The following MVB12B variants were observed in gnomAD, a reference collection of about 807,000 sequenced individuals.
The protein encoded by MVB12B is ESCRT-I complex subunit MVB12B.
MVB12B carries 16 observed loss-of-function variants against 41.6 expected under a neutral mutation model. That is an observed-to-expected ratio of 0.38 (90% CI 0.26 to 0.58). The LOEUF (loss-of-function observed/expected upper bound fraction) is 0.58, where lower values mean the gene tolerates loss of function less well. Among genes scored for constraint, MVB12B ranks in the 20% least tolerant of loss-of-function variants. The probability of loss-of-function intolerance (pLI) is 0.62; values close to 1 mark genes in which losing one functional copy is unlikely to be tolerated. For synonymous variants in MVB12B, 133 were observed against 139.7 expected, an observed-to-expected ratio of 0.95 and a Z score of 0.34; for missense variants, 274 against 380.2, an observed-to-expected ratio of 0.72 and a Z score of 2.32.
At chr9:126,435,597 T>C (rs551004038) in intron 7 of MVB12B, among the ~76,000 whole-genome samples, 1 of 151,534 alleles carries the variant, frequency 6.6e-6, no homozygotes, top group East Asian at 1.9e-4. Flanking sequence ...TCTTTTTCTT[T>C]CTCTTTGGCC....
At chr9:126,461,159 C>T (rs572655121) in intron 7 of MVB12B, among the ~76,000 whole-genome samples, 1 of 152,280 alleles carries the variant, frequency 6.6e-6, no homozygotes, top group South Asian at 2.1e-4. Flanking sequence ...CTTCATTTTC[C>T]GTGGAGGCCA....
At position 126,486,421 on chromosome 9, in the gene MVB12B, A is replaced by G. The variant is rs1588207459; in HGVS notation, c.873+2389A>G. On this transcript the variant is annotated intron_variant, in intron 9 of 9. Transcript: ENST00000361171. This position sits in a 1 kb window ranked among gnomAD's most constrained non-coding sequence, Gnocchi z 4.7. Reference sequence around the variant, plus strand: ...AGGTGGTCACCAGGGCAGAGGTTACACTGACATACCTCCAGACCAGCCCGC... The same window carrying G: ...AGGTGGTCACCAGGGCAGAGGTTACGCTGACATACCTCCAGACCAGCCCGC... Among the ~76,000 whole-genome samples the G allele has an allele frequency of 6.6e-6, 1 of 152,284 alleles. No homozygotes were observed. Among genetic ancestry groups the G allele is most frequent in the Admixed American group, 6.5e-5 (1 of 15,310 alleles).
Position 126,497,385 on chromosome 9 carries a change from C to T in MVB12B, c.874-5792C>T, listed in dbSNP as rs146720978. On this transcript the variant is annotated intron_variant, in intron 9 of 9. Coordinates refer to ENST00000361171, the MANE Select transcript of MVB12B (RefSeq NM_033446.3). ...AGGGTCTGCGGGAGCCCTCACCCAC[C>T]CCTCTGCCCACGCCCCGCAGTGTGG... Among the ~76,000 whole-genome samples, 113 of 152,274 alleles carry T rather than the reference C, an allele frequency of 7.4e-4. No homozygotes were observed. In the East Asian group the frequency reaches 0.021, roughly 28 times the overall value.
chr9:126,454,330 C>T (rs1832937990), intron 7 of MVB12B, among the ~76,000 whole-genome samples: 2 of 152,218 alleles, frequency 1.3e-5, no homozygotes, highest in African/African-American at 4.8e-5. Flanking sequence ...TCACAACCAC[C>T]AATAGTGTGT....
Position 126,503,572 on chromosome 9 carries a change from C to A in MVB12B, c.*309C>A. The A allele has an allele frequency of 2.4e-6, 1 of 418,338 alleles. No homozygotes were observed. Among genetic ancestry groups the A allele is most frequent in the East Asian group, 4.5e-5 (1 of 22,088 alleles). The allele number at this position is 418,338 out of a possible 1,614,324, so 25.9% of individuals were successfully genotyped here. On this transcript the variant is annotated 3_prime_UTR_variant, in exon 10 of 10. Transcript: ENST00000361171. ...AAAACCTCACTCACCACGGAGTCAC[C>A]CTGAGGGCCCCGGGCAGTTGCCCTG...
chr9:126,359,379 A>G lies in MVB12B; in HGVS notation c.204+18749A>G, dbSNP rs530839091. ...TGGATTGGTCTGTGGTTTTCTTATA[A>G]TATCTGGTTTTAGTATTAGGGTAAT... On this transcript the variant is annotated intron_variant, in intron 2 of 9. Transcript: ENST00000361171. 2.7e-3 allele frequency among the ~76,000 whole-genome samples: 404 copies of G among 152,272 alleles called. 1 individual carries two copies. The highest frequency in any genetic ancestry group is 4.9e-3 in the Non-Finnish European group (333 of 68,022).
intron 2 of MVB12B, among the ~76,000 whole-genome samples, chr9:126,343,732 A>G (rs1417503494): frequency 1.3e-5 from 2 of 152,210 alleles, no homozygotes; most frequent in Non-Finnish European, 2.9e-5. Context: ...CCTGGCCAAC[A>G]TGGTGAAACC....
chr9:126,381,586 G>A (rs937695069), intron 3 of MVB12B, among the ~76,000 whole-genome samples: 2 of 151,888 alleles, frequency 1.3e-5, no homozygotes, highest in African/African-American at 2.4e-5. Flanking sequence ...CCACAGTGAC[G>A]TTTCCTCGCT....
chr9:126,386,522 T>A lies in MVB12B; in HGVS notation c.313-40T>A, dbSNP rs752303186. 6 of 1,517,652 alleles carry A rather than the reference T, an allele frequency of 4.0e-6. No individual in the cohort carries two copies. Among genetic ancestry groups the A allele is most frequent in the East Asian group, 4.5e-5 (2 of 44,330 alleles). The allele number at this position is 1,517,652 out of a possible 1,614,324, so 94.0% of individuals were successfully genotyped here. On this transcript the variant is annotated intron_variant, in intron 3 of 9. Transcript: ENST00000361171. The surrounding 1 kb of genome is among the most constrained non-coding windows in gnomAD (Gnocchi z 4.3). ...AAATGGCAAACCCACCACATGCATGTTCAGATTAATAGTCTGTATCTCTTT... is the reference window on the plus strand; with the variant it reads ...AAATGGCAAACCCACCACATGCATGATCAGATTAATAGTCTGTATCTCTTT...
intron 7 of MVB12B, among the ~76,000 whole-genome samples, chr9:126,439,134 A>G (rs1194158075): frequency 1.3e-5 from 2 of 151,890 alleles, no homozygotes; most frequent in South Asian, 2.1e-4. Context: ...ATTGCTCTTC[A>G]TACAGGGGGC....
intron 6 of MVB12B, among the ~76,000 whole-genome samples, chr9:126,420,673 TCC>T (rs2119087451): frequency 7.0e-6 from 1 of 142,220 alleles, no homozygotes; most frequent in South Asian, 2.3e-4. Flanking sequence ...AACCTCCGCC[TCC>T]CAGGTTCAAG....
chr9:126,440,520 A>G (rs1832605202), intron 7 of MVB12B, among the ~76,000 whole-genome samples: 1 of 152,156 alleles, frequency 6.6e-6, no homozygotes, highest in South Asian at 2.1e-4. Context: ...AAATACATGT[A>G]ATAAAGTAGT....
At chr9:126,408,832 G>T (rs184380064) in intron 6 of MVB12B, among the ~76,000 whole-genome samples, 5 of 152,244 alleles carry the variant, frequency 3.3e-5, no homozygotes, top group Admixed American at 2.6e-4. Context: ...ATTAAGGAAC[G>T]TAATCACCAA....
chr9:126,480,158 T>C lies in MVB12B; in HGVS notation c.758-1211T>C, dbSNP rs749969409. Reference sequence around the variant, plus strand: ...ACTCCGTTTCTCCCTGAAACCACAATTTACTGCATAGCCACCACCTCAGGG... The same window carrying C: ...ACTCCGTTTCTCCCTGAAACCACAACTTACTGCATAGCCACCACCTCAGGG... On this transcript the variant is annotated intron_variant, in intron 7 of 9. Transcript: ENST00000361171. The surrounding 1 kb of genome is among the most constrained non-coding windows in gnomAD (Gnocchi z 4.9). Among the ~76,000 whole-genome samples, 4 of 152,168 alleles carry C rather than the reference T, an allele frequency of 2.6e-5. No homozygotes were observed. Among genetic ancestry groups the C allele is most frequent in the Non-Finnish European group, 5.9e-5 (4 of 68,024 alleles).
intron 2 of MVB12B, among the ~76,000 whole-genome samples, chr9:126,357,553 G>T (rs1380865611): frequency 6.7e-6 from 1 of 149,930 alleles, no homozygotes; most frequent in Admixed American, 6.6e-5. Flanking sequence ...TAGTGGATGT[G>T]TATTTGTTTA....
intron 1 of MVB12B, among the ~76,000 whole-genome samples, chr9:126,338,443 C>A (rs1325290514): frequency 6.6e-6 from 1 of 152,202 alleles, no homozygotes; most frequent in African/African-American, 2.4e-5. Context: ...GATACTGTGA[C>A]CAGGGGATGT....
chr9:126,357,066 G>A (rs894217670), intron 2 of MVB12B, among the ~76,000 whole-genome samples: 72 of 152,044 alleles, frequency 4.7e-4, no homozygotes, highest in Non-Finnish European at 1.9e-4. Flanking sequence ...GGAAACCGTT[G>A]GTCTACTTAC....
chr9:126,339,030 A>C (rs1829364908), intron 1 of MVB12B, among the ~76,000 whole-genome samples: 1 of 152,210 alleles, frequency 6.6e-6, no homozygotes, highest in Admixed American at 6.5e-5. Flanking sequence ...CAGAAGAATT[A>C]GGTAAAGCAT....
intron 6 of MVB12B, among the ~76,000 whole-genome samples, chr9:126,397,986 C>G (rs1288490473): frequency 1.3e-5 from 2 of 152,000 alleles, no homozygotes; most frequent in Non-Finnish European, 2.9e-5. Flanking sequence ...GCCTGCAGGG[C>G]TGCACACCAG....
Sources: allele counts gnomAD v4.1 joint callset (sites outside exome capture counted in the v4.1 genomes callset), GRCh38; gene constraint gnomAD v4.1.1; non-coding constraint Gnocchi (gnomAD v3.1); transcripts MANE v1.5; gene names NCBI Gene and HGNC (gene_info 2026-07-23, HGNC 2026-07-21).